The following RAD51B variants were observed in gnomAD, a reference collection of about 807,000 sequenced individuals.
The protein encoded by RAD51B is DNA repair protein RAD51 homolog 2.
Under a neutral mutation model 42.2 loss-of-function variants are expected in RAD51B, and 38 were observed. The observed-to-expected ratio is 0.90, with a 90% CI of 0.70 to 1.18. The LOEUF is 1.18. Among genes scored for constraint, RAD51B ranks in the 50% most tolerant of loss-of-function variants. RAD51B has a pLI of 0.00. For synonymous variants in RAD51B, 154 were observed against 145.2 expected (o/e 1.06, Z -0.43); for missense variants, 373 against 400.7 (o/e 0.93, Z 0.59).
Position 68,502,129 on chromosome 14 carries a change from C to A in RAD51B, c.1036+33879C>A, listed in dbSNP as rs113715574. Among the ~76,000 whole-genome samples the A allele has an allele frequency of 4.4e-3, 670 of 152,340 alleles. 1 individual carries two copies. Among genetic ancestry groups the A allele is most frequent in the Non-Finnish European group, 7.4e-3 (505 of 68,038 alleles). On this transcript the variant is annotated intron_variant, in intron 10 of 10. Transcript: ENST00000487270. ...AACCAGAAAGGTGGTTTGAGTTTGG[C>A]CAAAGCAGCCCAACCAAATAAGTAA...
intron 10 of RAD51B, among the ~76,000 whole-genome samples, chr14:68,633,077 C>T (rs1892270268): frequency 7.5e-6 from 1 of 133,102 alleles, no homozygotes; most frequent in East Asian, 2.3e-4. Context: ...TCTTGGCCTC[C>T]CAAAGTGCTG....
chr14:68,169,754 A>G (rs1595503649), intron 7 of RAD51B, among the ~76,000 whole-genome samples: 2 of 152,148 alleles, frequency 1.3e-5, no homozygotes, highest in African/African-American at 2.4e-5. Flanking sequence ...GAATTGATGG[A>G]TATATGTTGA....
At chr14:68,145,585 G>T (rs977474816) in intron 7 of RAD51B, among the ~76,000 whole-genome samples, 4 of 152,108 alleles carry the variant, frequency 2.6e-5, no homozygotes, top group African/African-American at 9.7e-5. Context: ...CTTAAAATAG[G>T]TATTTCATTA....
chr14:68,509,711 T>C (rs1367042326), intron 10 of RAD51B, among the ~76,000 whole-genome samples: 1 of 152,252 alleles, frequency 6.6e-6, no homozygotes, highest in African/African-American at 2.4e-5. Context: ...AAATGTTTAC[T>C]GTAAAGGGGC....
chr14:67,880,836 T>C (rs1290741914), intron 5 of RAD51B, among the ~76,000 whole-genome samples: 1 of 152,200 alleles, frequency 6.6e-6, no homozygotes, highest in Non-Finnish European at 1.5e-5. Context: ...TACATTTTAG[T>C]ATTAGTTTGA....
intron 7 of RAD51B, among the ~76,000 whole-genome samples, chr14:68,057,946 T>G (rs1179783476): frequency 1.3e-5 from 2 of 151,850 alleles, no homozygotes; most frequent in Non-Finnish European, 2.9e-5. Context: ...CAAATTAAGT[T>G]GCTTTATAGT....
intron 8 of RAD51B, among the ~76,000 whole-genome samples, chr14:68,348,382 C>T (rs17105443): frequency 0.093 from 14,087 of 152,050 alleles, 721 homozygotes; most frequent in African/African-American, 0.13. Context: ...TGGAGTCATA[C>T]GATATTTTCA....
At chr14:67,968,322 G>T (rs961728315) in intron 7 of RAD51B, among the ~76,000 whole-genome samples, 1 of 152,188 alleles carries the variant, frequency 6.6e-6, no homozygotes, top group Non-Finnish European at 1.5e-5. Context: ...TTAGCATTCA[G>T]CTCCTTCTTG....
intron 8 of RAD51B, among the ~76,000 whole-genome samples, chr14:68,373,965 G>A (rs2139960938): frequency 6.6e-6 from 1 of 152,236 alleles, no homozygotes; most frequent in East Asian, 1.9e-4. Flanking sequence ...TTGTAATCTG[G>A]AGAGAGGAAG....
chr14:68,226,126 G>T (rs910261337), intron 7 of RAD51B, among the ~76,000 whole-genome samples: 2 of 152,142 alleles, frequency 1.3e-5, no homozygotes, highest in Non-Finnish European at 2.9e-5. Flanking sequence ...GGAGAAAAGG[G>T]CTCCAGGCTG....
chr14:68,628,424 AGTGCTTGGGG>A (rs1892144307), intron 10 of RAD51B: 1 of 152,232 alleles, frequency 6.6e-6, no homozygotes, highest in Non-Finnish European at 1.5e-5. Context: ...GGCCCAGCAC[AGTGCTTGGGG>A]GCCGGCGGCT....
At chr14:68,243,265 A>T (rs1303778889) in intron 7 of RAD51B, among the ~76,000 whole-genome samples, 2 of 152,200 alleles carry the variant, frequency 1.3e-5, no homozygotes, top group Non-Finnish European at 2.9e-5. Context: ...TTTCAAGATT[A>T]TTAAATTTTT....
intron 8 of RAD51B, among the ~76,000 whole-genome samples, chr14:68,379,700 G>A (rs1479013024): frequency 3.9e-5 from 6 of 152,212 alleles, no homozygotes; most frequent in Non-Finnish European, 7.3e-5. Flanking sequence ...GAATGGAAAG[G>A]GGAGAGAGAT....
intron 8 of RAD51B, 59 bp from the exon 9 acceptor site, chr14:68,411,365 T>C: frequency 4.2e-6 from 6 of 1,421,958 alleles, no homozygotes; most frequent in Middle Eastern, 2.2e-4. Context: ...CTGGACTTCA[T>C]GTGAAATGCC....
chr14:68,477,620 C>G (rs763944620), intron 10 of RAD51B, 28 bp from the exon 11 acceptor site: 3 of 1,588,876 alleles, frequency 1.9e-6, no homozygotes, highest in Non-Finnish European at 2.6e-6. Flanking sequence ...TTTTTTCAAA[C>G]TTTCTCTTTT....
intron 11 of RAD51B, among the ~76,000 whole-genome samples, chr14:68,679,732 T>C (rs948678176): frequency 1.3e-5 from 2 of 152,234 alleles, no homozygotes; most frequent in African/African-American, 4.8e-5. Context: ...CTGCTGACTG[T>C]AAAATCTGTG....
At chr14:68,327,372 T>TG (rs2082269501) in intron 8 of RAD51B, among the ~76,000 whole-genome samples, 6 of 78,790 alleles carry the variant, frequency 7.6e-5, no homozygotes, top group Admixed American at 4.1e-4. Context: ...TCAGTTTGTT[T>TG]TTTTTTGTTG....
chr14:67,903,135 G>A (rs564816807), intron 7 of RAD51B, among the ~76,000 whole-genome samples: 9 of 152,178 alleles, frequency 5.9e-5, no homozygotes, highest in Non-Finnish European at 1.0e-4. Context: ...TGGGATTACA[G>A]GCGTGAGCCA....
intron 9 of RAD51B, among the ~76,000 whole-genome samples, chr14:68,444,443 TGTGTG>T (rs2085375109): frequency 1.1e-4 from 3 of 26,862 alleles, no homozygotes; most frequent in Non-Finnish European, 2.1e-4. Flanking sequence ...TTGTGAATTG[TGTGTG>T]TGTGTGTGTG....
Sources: gnomAD v4.1 joint callset for allele counts (sites outside exome capture counted in the v4.1 genomes callset) on GRCh38, gnomAD v4.1.1 for gene constraint, MANE v1.5 for transcripts, NCBI Gene and HGNC (gene_info 2026-07-23, HGNC 2026-07-21) for gene names.